The following TRPM5 variants were observed in gnomAD, a reference collection of about 807,000 sequenced individuals.
The protein encoded by TRPM5 is transient receptor potential cation channel subfamily M member 5.
TRPM5 carries 121 observed loss-of-function variants against 124.9 expected under a neutral mutation model. The observed-to-expected ratio is 0.97, with a 90% CI of 0.84 to 1.13. The LOEUF is 1.13. Among genes scored for constraint, TRPM5 ranks in the 50% most tolerant of loss-of-function variants. The pLI, the probability that TRPM5 is intolerant of heterozygous loss-of-function variation, is 0.00. For missense variants in TRPM5, 1,643 were observed against 1,589.1 expected, an observed-to-expected ratio of 1.03 and a Z score of -0.58; for synonymous variants, 781 against 700.5, an observed-to-expected ratio of 1.11 and a Z score of -1.81.
intron 18 of TRPM5, among the ~76,000 whole-genome samples, chr11:2,409,673 G>C (rs1218004430): frequency 6.6e-6 from 1 of 152,210 alleles, no homozygotes; most frequent in Non-Finnish European, 1.5e-5. Flanking sequence ...ACAGTGAGTG[G>C]CTGGGGTTCA....
exon 2 of TRPM5, chr11:2,422,248 G>A (rs774152014): frequency 4.3e-6 from 7 of 1,612,350 alleles, no homozygotes; most frequent in Non-Finnish European, 5.9e-6. Context: ...CAGGTTGGGG[G>A]CCGGCAGGTG....
exon 5 of TRPM5, chr11:2,418,591 C>T (rs761511608): frequency 4.3e-6 from 7 of 1,610,702 alleles, no homozygotes; most frequent in Non-Finnish European, 5.9e-6. Flanking sequence ...GCTGCCAGTG[C>T]CTGTGGACAG....
upstream of TRPM5, among the ~76,000 whole-genome samples, chr11:2,425,541 C>G (rs1845833599): frequency 6.6e-6 from 1 of 151,798 alleles, no homozygotes; most frequent in African/African-American, 2.4e-5. Flanking sequence ...GGACAGTATC[C>G]AACCATTAGT....
chr11:2,422,913 C>T lies in TRPM5; in HGVS notation c.117+7G>A. On this transcript the variant is annotated splice_region_variant and intron_variant, in intron 1 of 23. Transcript: ENST00000155858. ...GACATCACCTGAGGCCTGGGGCCTG[C>T]CCTTACCTTGCCTCGCTTCTTCCCA... 1 of 1,611,668 alleles carries T rather than the reference C, an allele frequency of 6.2e-7. No individual in the cohort carries two copies. The highest frequency in any genetic ancestry group is 8.5e-7 in the Non-Finnish European group (1 of 1,178,358).
the TRPM5 span, among the ~76,000 whole-genome samples, chr11:2,433,451 C>T: frequency 1.3e-5 from 2 of 152,254 alleles, no homozygotes; most frequent in African/African-American, 4.8e-5. Flanking sequence ...TGCCCGGGCC[C>T]AGTGGCTGGG....
At chr11:2,412,945 T>A (rs745420233) in exon 15 of TRPM5, 1 of 1,605,110 alleles carries the variant, frequency 6.2e-7, no homozygotes, top group Non-Finnish European at 8.5e-7. Flanking sequence ...CGCCAGCGTG[T>A]GAGCAGGAAG....
intron 18 of TRPM5, among the ~76,000 whole-genome samples, chr11:2,410,253 C>A (rs973070597): frequency 6.6e-6 from 1 of 152,090 alleles, no homozygotes; most frequent in Non-Finnish European, 1.5e-5. Context: ...ATCACGGCGT[C>A]GCCCCCGCCT....
chr11:2,405,094 C>G, intron 23 of TRPM5, 51 bp from the exon 29 acceptor site: 1 of 1,515,702 alleles, frequency 6.6e-7, no homozygotes, highest in Non-Finnish European at 9.1e-7. Flanking sequence ...AAGGCAGGCC[C>G]AGGAAGGGGA....
chr11:2,430,555 C>T, the TRPM5 span, among the ~76,000 whole-genome samples: 9 of 147,702 alleles, frequency 6.1e-5, no homozygotes, highest in South Asian at 2.2e-4. Flanking sequence ...TTGGTGGCAG[C>T]GGTGAGGGTG....
rs1339018440 is a variant in TRPM5 at position 2,412,896 on chromosome 11, TTCCCCAG to T, written c.2206_2212del (p.Leu736ThrfsTer59). 1 of 1,597,978 alleles carries T rather than the reference TTCCCCAG, an allele frequency of 6.3e-7. No individual in the cohort carries two copies. The highest frequency in any genetic ancestry group is 8.5e-7 in the Non-Finnish European group (1 of 1,173,084). ...GAGGAAGGCGAAGTACATGACCACG[TTCCCCAG>T]GAACACAGTCACGGGAGCGCCCCAG... On this transcript the variant is annotated frameshift_variant, in exon 15 of 24. Transcript: ENST00000155858. LOFTEE classifies it high-confidence loss of function.
chr11:2,423,323 C>T (rs1037664413), upstream of TRPM5, among the ~76,000 whole-genome samples: 13 of 152,312 alleles, frequency 8.5e-5, no homozygotes, highest in South Asian at 2.3e-3. Context: ...CCGCTGTCAG[C>T]GCCTGGTTCC....
At chr11:2,433,455 G>T in the TRPM5 span, among the ~76,000 whole-genome samples, 2 of 152,280 alleles carry the variant, frequency 1.3e-5, no homozygotes, top group African/African-American at 4.8e-5. Context: ...CGGGCCCAGT[G>T]GCTGGGGTAG....
chr11:2,406,461 CCT>C (rs1418237109), intron 21 of TRPM5, among the ~76,000 whole-genome samples, 198 bp downstream of exon 26: 2 of 152,180 alleles, frequency 1.3e-5, no homozygotes, highest in Non-Finnish European at 2.9e-5. Flanking sequence ...GTGCACGCTC[CCT>C]TTTTGCCTGG....
At chr11:2,443,009 G>T in the TRPM5 span, among the ~76,000 whole-genome samples, 1 of 152,078 alleles carries the variant, frequency 6.6e-6, no homozygotes, top group East Asian at 1.9e-4. The surrounding 1 kb of genome is among the most constrained non-coding windows in gnomAD (Gnocchi z 5.0). Flanking sequence ...TTGGTCATTT[G>T]TCTCCTTTAC....
the TRPM5 span, among the ~76,000 whole-genome samples, chr11:2,429,126 TAGTGGTGGC>T: frequency 1.3e-5 from 2 of 149,392 alleles, no homozygotes; most frequent in African/African-American, 5.0e-5. This position sits in a 1 kb window ranked among gnomAD's most constrained non-coding sequence, Gnocchi z 8.4. Flanking sequence ...TGGTAGCTGG[TAGTGGTGGC>T]AGTGGTGGTG....
upstream of TRPM5, among the ~76,000 whole-genome samples, chr11:2,426,310 C>T (rs527662902): frequency 1.1e-3 from 172 of 152,304 alleles, 1 homozygote; most frequent in Non-Finnish European, 2.1e-3. Context: ...CCGCCCCCGC[C>T]GGCCAGCCCA....
chr11:2,405,282 T>C (rs1449932459), intron 23 of TRPM5, among the ~76,000 whole-genome samples: 2 of 152,124 alleles, frequency 1.3e-5, no homozygotes, highest in African/African-American at 2.4e-5. Context: ...AGCAGGACAG[T>C]CCAATAGGGC....
the TRPM5 span, among the ~76,000 whole-genome samples, chr11:2,442,156 T>C: frequency 6.6e-6 from 1 of 152,222 alleles, no homozygotes; most frequent in African/African-American, 2.4e-5. This position sits in a 1 kb window ranked among gnomAD's most constrained non-coding sequence, Gnocchi z 5.9. Context: ...CATGACTCTT[T>C]CTGATGCTCA....
the TRPM5 span, among the ~76,000 whole-genome samples, chr11:2,435,455 T>C: frequency 6.6e-6 from 1 of 151,932 alleles, no homozygotes; most frequent in Non-Finnish European, 1.5e-5. This position sits in a 1 kb window ranked among gnomAD's most constrained non-coding sequence, Gnocchi z 4.1. Context: ...TCCACCAGCC[T>C]GCCCACCTGT....
Sources: allele counts gnomAD v4.1 joint callset (sites outside exome capture counted in the v4.1 genomes callset), GRCh38; gene constraint gnomAD v4.1.1; non-coding constraint Gnocchi (gnomAD v3.1); transcripts MANE v1.5; gene names NCBI Gene and HGNC (gene_info 2026-07-23, HGNC 2026-07-21).